The following SLC4A10 variants were observed in gnomAD, a reference collection of about 807,000 sequenced individuals.
SLC4A10 encodes the protein solute carrier family 4 member 10.
A neutral mutation model predicts 137.7 loss-of-function variants in SLC4A10; 42 were observed. That is an observed-to-expected ratio of 0.30 (90% confidence interval 0.24 to 0.39). The LOEUF is 0.39. Ranked by LOEUF, SLC4A10 falls within the 10% of genes least tolerant of loss-of-function variation. The probability of loss-of-function intolerance (pLI) is 1.00; values close to 1 mark genes in which losing one functional copy is unlikely to be tolerated. For synonymous variants in SLC4A10, 474 were observed against 464.1 expected, an observed-to-expected ratio of 1.02 and a Z score of -0.27; for missense variants, 925 against 1,355.0, an observed-to-expected ratio of 0.68 and a Z score of 4.98.
intron 1 of SLC4A10, among the ~76,000 whole-genome samples, chr2:161,761,264 C>T (rs539369658): frequency 1.6e-4 from 24 of 151,990 alleles, no homozygotes; most frequent in African/African-American, 3.9e-4. Context: ...AGATAGGATA[C>T]GCTAGAAAGA....
intron 1 of SLC4A10, among the ~76,000 whole-genome samples, chr2:161,748,962 T>C (rs924071773): frequency 6.6e-6 from 1 of 152,028 alleles, no homozygotes; most frequent in Non-Finnish European, 1.5e-5. Flanking sequence ...TTTTTTAACA[T>C]TTTATAGTTT....
chr2:161,830,529 G>T (rs2058367945), intron 3 of SLC4A10, among the ~76,000 whole-genome samples: 1 of 148,412 alleles, frequency 6.7e-6, no homozygotes, highest in African/African-American at 2.5e-5. Flanking sequence ...TGGAAACTTT[G>T]AGCAAGTTTA....
chr2:161,880,977 T>C (rs771427352), intron 9 of SLC4A10, among the ~76,000 whole-genome samples: 1 of 152,048 alleles, frequency 6.6e-6, no homozygotes, highest in South Asian at 2.1e-4. Context: ...TATTTCATAC[T>C]GAGATAGCAA....
At chr2:161,730,766 A>G (rs1410787714) in intron 1 of SLC4A10, among the ~76,000 whole-genome samples, 13 of 152,236 alleles carry the variant, frequency 8.5e-5, no homozygotes, top group Non-Finnish European at 1.9e-4. Context: ...AGTGAAATAT[A>G]ATCAGAACCA....
chr2:161,941,214 G>A (rs747591142), intron 15 of SLC4A10, among the ~76,000 whole-genome samples: 8 of 152,034 alleles, frequency 5.3e-5, no homozygotes, highest in Non-Finnish European at 1.2e-4. Flanking sequence ...ATCATTCCAC[G>A]TTTAAAATTT....
intron 15 of SLC4A10, among the ~76,000 whole-genome samples, chr2:161,910,977 TTAAG>T (rs930313779): frequency 2.8e-4 from 43 of 152,016 alleles, no homozygotes; most frequent in Admixed American, 2.5e-3. Flanking sequence ...TAAACATACA[TTAAG>T]TATCACTTAA....
chr2:161,766,545 C>T (rs552989569), intron 1 of SLC4A10, among the ~76,000 whole-genome samples: 25 of 152,196 alleles, frequency 1.6e-4, no homozygotes, highest in Non-Finnish European at 3.4e-4. Flanking sequence ...AACATGGATA[C>T]ATGACTTAGC....
chr2:161,942,978 T>C, intron 16 of SLC4A10, 81 bp downstream of exon 16: 1 of 1,019,702 alleles, frequency 9.8e-7, no homozygotes, highest in Non-Finnish European at 1.5e-6. Context: ...TACAGTAAAA[T>C]TTTTTTGAAT....
At chr2:161,734,315 G>T (rs568164882) in intron 1 of SLC4A10, among the ~76,000 whole-genome samples, 13 of 152,192 alleles carry the variant, frequency 8.5e-5, no homozygotes, top group Admixed American at 3.9e-4. Flanking sequence ...TGAATCATGG[G>T]GGCACATTCC....
chr2:161,823,308 A>G (rs2057771473), intron 3 of SLC4A10, among the ~76,000 whole-genome samples: 1 of 152,238 alleles, frequency 6.6e-6, no homozygotes, highest in Admixed American at 6.5e-5. Context: ...TACTTAATGT[A>G]CTACTGTAAT....
At chr2:161,882,526 T>C in intron 10 of SLC4A10, 82 bp downstream of exon 10, 1 of 793,516 alleles carries the variant, frequency 1.3e-6, no homozygotes, top group Non-Finnish European at 1.9e-6. Context: ...CATGACAGTT[T>C]GTTGTGAATC....
chr2:161,790,988 G>A (rs914081753), intron 2 of SLC4A10, among the ~76,000 whole-genome samples: 4 of 152,124 alleles, frequency 2.6e-5, no homozygotes, highest in African/African-American at 9.7e-5. Flanking sequence ...TGAGGTTGTG[G>A]AGAAAAAGGA....
intron 26 of SLC4A10, among the ~76,000 whole-genome samples, chr2:161,981,858 C>T (rs541148869): frequency 3.3e-5 from 5 of 152,308 alleles, no homozygotes; most frequent in African/African-American, 9.6e-5. Context: ...GACACGCGCT[C>T]ACACCAGCTC....
intron 1 of SLC4A10, among the ~76,000 whole-genome samples, chr2:161,693,313 G>T (rs2042177401): frequency 6.6e-6 from 1 of 151,984 alleles, no homozygotes; most frequent in Non-Finnish European, 1.5e-5. Context: ...AAACTTTTTA[G>T]ATATTAACTT....
intron 1 of SLC4A10, among the ~76,000 whole-genome samples, chr2:161,639,129 C>A (rs1418840197): frequency 6.6e-6 from 1 of 152,046 alleles, no homozygotes; most frequent in Non-Finnish European, 1.5e-5. Flanking sequence ...GAGATTGAAT[C>A]AGTAATAAAA....
At chr2:161,682,731 G>C (rs1401237957) in intron 1 of SLC4A10, among the ~76,000 whole-genome samples, 1 of 152,022 alleles carries the variant, frequency 6.6e-6, no homozygotes, top group Non-Finnish European at 1.5e-5. Context: ...AAGCTGAACG[G>C]CTAGGTATTC....
chr2:161,975,404 T>C (rs1205553166), intron 24 of SLC4A10, among the ~76,000 whole-genome samples: 3 of 152,160 alleles, frequency 2.0e-5, no homozygotes, highest in Non-Finnish European at 4.4e-5. Context: ...AATGAAACAA[T>C]CTAAGTAGTA....
chr2:161,847,105 A>C (rs1417833090), intron 4 of SLC4A10, among the ~76,000 whole-genome samples: 1 of 151,072 alleles, frequency 6.6e-6, no homozygotes, highest in Non-Finnish European at 1.5e-5. Flanking sequence ...AAAGCCAGAC[A>C]TAGTACCTGG....
At chr2:161,687,638 G>A (rs572364890) in intron 1 of SLC4A10, among the ~76,000 whole-genome samples, 10 of 152,132 alleles carry the variant, frequency 6.6e-5, no homozygotes, top group African/African-American at 2.2e-4. Flanking sequence ...ATATCGTTTG[G>A]CACTGTGTCC....
Sources: allele counts gnomAD v4.1 joint callset (sites outside exome capture counted in the v4.1 genomes callset), GRCh38; gene constraint gnomAD v4.1.1; transcripts MANE v1.5; gene names NCBI Gene and HGNC (gene_info 2026-07-23, HGNC 2026-07-21).